CLTRN: variants seen among roughly 807,000 people sequenced by gnomAD.
CLTRN encodes collectrin.
CLTRN carries 12 observed loss-of-function variants against 14.5 expected under a neutral mutation model. The observed-to-expected ratio is 0.83, with a 90% CI of 0.53 to 1.34. The LOEUF is 1.34. CLTRN is among the 40% of genes most tolerant of loss of function. The pLI is 0.00. For missense variants in CLTRN, 154 were observed against 165.1 expected (o/e 0.93, Z 0.37); for synonymous variants, 58 against 56.5 (o/e 1.03, Z -0.12).
chrX:15,670,925 T>C (rs1183153220), intron 1 of CLTRN, among the ~76,000 whole-genome samples: 2 of 72,362 alleles, frequency 2.8e-5, no homozygotes, highest in East Asian at 1.1e-3. Context: ...TGTGTGTGTG[T>C]GTGTGTGTGT....
At chrX:15,659,234 C>T in intron 2 of CLTRN, 133 bp from the exon 3 acceptor site, 1 of 280,507 alleles carries the variant, frequency 3.6e-6, no homozygotes, top group Admixed American at 4.6e-5. Context: ...ACACGTTTCT[C>T]ATATATTAGA....
chrX:15,628,357 T>C (rs1006466924), intron 5 of CLTRN, among the ~76,000 whole-genome samples: 3 of 112,167 alleles, frequency 2.7e-5, no homozygotes, highest in Admixed American at 9.4e-5. Flanking sequence ...ATATACATAG[T>C]GATCAACACA....
intron 1 of CLTRN, chrX:15,674,909 TG>T (rs1201318430): frequency 1.8e-5 from 2 of 113,464 alleles, no homozygotes; most frequent in African/African-American, 6.4e-5. Context: ...ACCACAAGGT[TG>T]TAGCGTGTGG....
chrX:15,637,836 C>T (rs1455993042), intron 5 of CLTRN, among the ~76,000 whole-genome samples: 1 of 112,317 alleles, frequency 8.9e-6, no homozygotes, highest in African/African-American at 3.2e-5. Flanking sequence ...GAAAAGTTAT[C>T]TATTCACAAA....
At chrX:15,670,845 C>T (rs1301950783) in intron 1 of CLTRN, among the ~76,000 whole-genome samples, 1 of 106,897 alleles carries the variant, frequency 9.4e-6, no homozygotes, top group East Asian at 2.9e-4. Flanking sequence ...GGAAATAACC[C>T]ACACAAGGAA....
At chrX:15,641,114 A>G (rs1928930762) in intron 4 of CLTRN, among the ~76,000 whole-genome samples, 1 of 112,673 alleles carries the variant, frequency 8.9e-6, no homozygotes, top group East Asian at 2.8e-4. Flanking sequence ...GACTAAAGAC[A>G]TTAATGATTT....
intron 3 of CLTRN, among the ~76,000 whole-genome samples, chrX:15,655,225 C>T (rs754953733): frequency 9.8e-5 from 11 of 112,064 alleles, no homozygotes; most frequent in Non-Finnish European, 1.7e-4. Context: ...GACAGGAAAG[C>T]AAGATGATGG....
intron 3 of CLTRN, among the ~76,000 whole-genome samples, chrX:15,649,847 G>C (rs1569252349): frequency 9.1e-6 from 1 of 109,602 alleles, no homozygotes; most frequent in Non-Finnish European, 1.9e-5. Flanking sequence ...GTCATAGAGT[G>C]GATCAGACTA....
At chrX:15,665,931 T>G (rs1216424894), upstream of CLTRN, among the ~76,000 whole-genome samples, 1 of 111,718 alleles carries the variant, frequency 9.0e-6, no homozygotes. Context: ...ACTTGAACCC[T>G]GTCTCCACCA....
In CLTRN at chrX:15,628,049, G is replaced by A; in HGVS notation, c.591C>T (p.Pro197=). The part of the protein sequence containing the change: ...ENMITIENGI[P]SDPLDMKGGH... Reference sequence around the variant, plus strand: ...CTCCCTTCATGTCCAGGGGATCAGAGGGGATGCCATTTTCAATTGTGATCA... The same window carrying A: ...CTCCCTTCATGTCCAGGGGATCAGAAGGGATGCCATTTTCAATTGTGATCA... The change falls in exon 6 of 6, where the codon CCC becomes CCT. Residue 197 remains proline (P), a synonymous_variant. Coordinates refer to ENST00000380342, the MANE Select transcript of CLTRN (RefSeq NM_020665.6). 8.7e-7 allele frequency: 1 copy of A among 1,152,446 alleles called. No homozygotes were observed. The highest frequency in any genetic ancestry group is 1.2e-6 in the Non-Finnish European group (1 of 861,907). The allele number at this position is 1,152,446 out of a possible 1,213,427, so 95.0% of individuals were successfully genotyped here. A position where few individuals can be genotyped will look rare whatever the true frequency, so the allele number is the denominator to read the frequency against.
chrX:15,669,069 T>C (rs1483344261), upstream of CLTRN, among the ~76,000 whole-genome samples: 3 of 112,253 alleles, frequency 2.7e-5, no homozygotes, highest in African/African-American at 9.7e-5. Context: ...TGTTTTTTGA[T>C]TCATAAATCT....
chrX:15,634,942 A>AAAAT (rs200118112), intron 5 of CLTRN, among the ~76,000 whole-genome samples: 11,805 of 107,152 alleles, frequency 0.11, 999 homozygotes, highest in East Asian at 0.47. Flanking sequence ...ATAATAATAA[A>AAAAT]AAATAAATAA....
chrX:15,630,019 G>A lies in CLTRN; in HGVS notation c.513-1892C>T, dbSNP rs1397346558. On this transcript the variant is annotated intron_variant, in intron 5 of 5. Coordinates refer to ENST00000380342, the MANE Select transcript of CLTRN (RefSeq NM_020665.6). ...CTGACCTGGACTCAGCACAGAGTAGGCATTCAACTGTATGGGTAGATGAAT... is the reference window on the plus strand; with the variant it reads ...CTGACCTGGACTCAGCACAGAGTAGACATTCAACTGTATGGGTAGATGAAT... Among the ~76,000 whole-genome samples the A allele has an allele frequency of 4.5e-5, 5 of 111,726 alleles. No homozygotes were observed. In the East Asian group the frequency reaches 1.4e-3, roughly 31 times the overall value.
At chrX:15,672,087 A>G (rs760523148) in intron 1 of CLTRN, among the ~76,000 whole-genome samples, 13 of 112,335 alleles carry the variant, frequency 1.2e-4, no homozygotes, top group Middle Eastern at 4.6e-3. Context: ...TACTTCAGAG[A>G]AAGTTAATCA....
intron 3 of CLTRN, among the ~76,000 whole-genome samples, chrX:15,650,333 A>C (rs1929186012): frequency 9.0e-6 from 1 of 110,895 alleles, no homozygotes; most frequent in Admixed American, 9.7e-5. Flanking sequence ...AAAAGTATCT[A>C]CACGAAAAAT....
intron 5 of CLTRN, among the ~76,000 whole-genome samples, chrX:15,632,534 C>T (rs971506947): frequency 2.0e-4 from 21 of 104,791 alleles, no homozygotes; most frequent in African/African-American, 7.1e-4. Flanking sequence ...GCAGAGTTCG[C>T]ACCAATGCAC....
intron 5 of CLTRN, among the ~76,000 whole-genome samples, chrX:15,630,247 C>A (rs763807357): frequency 3.6e-5 from 4 of 110,825 alleles, no homozygotes; most frequent in South Asian, 7.6e-4. Context: ...GATAGATGGA[C>A]AGAAGATAGA....
At position 15,669,936 on chromosome X, in the gene CLTRN, CTT is replaced by C. The variant is rs778711667; in HGVS notation, c.-505-2002_-505-2001del. Among the ~76,000 whole-genome samples, 5 of 112,047 alleles carry C rather than the reference CTT, an allele frequency of 4.5e-5. No individual in the cohort carries two copies. The East Asian group carries it at 8.3e-4, about 19-fold the overall frequency. On this transcript the variant is annotated intron_variant, in intron 1 of 6. Transcript: ENST00000650271. Reference sequence around the variant, plus strand: ...ACACATTAAAAGAAATCAATTAAAACTTTTAATAATTGAACATAGAAACTTTG... The same window carrying C: ...ACACATTAAAAGAAATCAATTAAAACTTAATAATTGAACATAGAAACTTTG...
At chrX:15,667,129 C>A (rs994937567), upstream of CLTRN, among the ~76,000 whole-genome samples, 3 of 111,198 alleles carry the variant, frequency 2.7e-5, no homozygotes. Context: ...CCCAGCTACT[C>A]GGGAGGCTGA....
Sources: allele counts gnomAD v4.1 joint callset (sites outside exome capture counted in the v4.1 genomes callset), GRCh38; gene constraint gnomAD v4.1.1; transcripts MANE v1.5; gene names NCBI Gene and HGNC (gene_info 2026-07-23, HGNC 2026-07-21).